NODAL: variants seen among roughly 807,000 people sequenced by gnomAD.
The protein encoded by NODAL is nodal growth differentiation factor, also known as nodal homolog.
A neutral mutation model predicts 34.0 loss-of-function variants in NODAL; 12 were observed. The observed-to-expected ratio is 0.35, with a 90% CI of 0.23 to 0.57. NODAL has a LOEUF of 0.57. Ranked by LOEUF, NODAL falls within the 20% of genes least tolerant of loss-of-function variation. NODAL has a pLI of 0.83. For synonymous variants in NODAL, 162 were observed against 186.4 expected (o/e 0.87, Z 1.07); for missense variants, 390 against 444.2 (o/e 0.88, Z 1.10).
chr10:70,439,282 G>A (rs555977770), intron 1 of NODAL, among the ~76,000 whole-genome samples: 1 of 152,264 alleles, frequency 6.6e-6, no homozygotes, highest in Admixed American at 6.5e-5. Flanking sequence ...GGTTACAGGC[G>A]TAAGCCACTG....
At chr10:70,445,122 G>C (rs567978432), upstream of NODAL, among the ~76,000 whole-genome samples, 1 of 152,232 alleles carries the variant, frequency 6.6e-6, no homozygotes, top group East Asian at 1.9e-4. Flanking sequence ...ATGTGGCCTA[G>C]TGTGTAGGTG....
At chr10:70,436,055 C>G in intron 1 of NODAL, 72 bp from the exon 2 acceptor site, 1 of 1,268,808 alleles carries the variant, frequency 7.9e-7, no homozygotes, top group South Asian at 1.2e-5. Flanking sequence ...GTGTCACAAC[C>G]ACCATAGCTC....
At chr10:70,436,275 G>T (rs1038670024) in intron 1 of NODAL, 3 of 459,374 alleles carry the variant, frequency 6.5e-6, no homozygotes, top group Non-Finnish European at 1.2e-5. Context: ...CCGAATTACT[G>T]TTCTTCCAGT....
intron 1 of NODAL, among the ~76,000 whole-genome samples, chr10:70,441,203 A>G (rs1399812327): frequency 6.6e-6 from 1 of 152,262 alleles, no homozygotes; most frequent in South Asian, 2.1e-4. Flanking sequence ...CAAAACCCAG[A>G]GACAATGGTC....
chr10:70,439,099 G>C (rs1267140468), intron 1 of NODAL, among the ~76,000 whole-genome samples: 1 of 152,028 alleles, frequency 6.6e-6, no homozygotes, highest in Non-Finnish European at 1.5e-5. Flanking sequence ...CCACCTCCTG[G>C]GTTCAAGTGA....
intron 1 of NODAL, among the ~76,000 whole-genome samples, chr10:70,438,309 CTT>C (rs1285950605): frequency 1.3e-5 from 2 of 151,984 alleles, no homozygotes; most frequent in Admixed American, 1.3e-4. Flanking sequence ...AAAAGAAAAA[CTT>C]TATCTCAACT....
At chr10:70,442,750 C>T (rs979472548), upstream of NODAL, among the ~76,000 whole-genome samples, 1 of 152,178 alleles carries the variant, frequency 6.6e-6, no homozygotes, top group African/African-American at 2.4e-5. Flanking sequence ...GTGCTCTATA[C>T]ACCTGACTTC....
upstream of NODAL, among the ~76,000 whole-genome samples, chr10:70,442,010 G>A (rs988064334): frequency 6.6e-6 from 1 of 152,162 alleles, no homozygotes; most frequent in Non-Finnish European, 1.5e-5. Flanking sequence ...TCAGAACTGC[G>A]ACTTCCTTAC....
chr10:70,445,498 T>C (rs1180565528), upstream of NODAL, among the ~76,000 whole-genome samples: 1 of 152,208 alleles, frequency 6.6e-6, no homozygotes, highest in Non-Finnish European at 1.5e-5. Flanking sequence ...GATCTTGTGA[T>C]CCACCCGCCT....
chr10:70,432,620 A>G lies in NODAL; in HGVS notation c.*316T>C. 1 of 406,256 alleles carries G rather than the reference A, an allele frequency of 2.5e-6. No individual in the cohort carries two copies. The highest frequency in any genetic ancestry group is 2.2e-5 in the South Asian group (1 of 45,744). The allele number at this position is 406,256 out of a possible 1,614,324, so 25.2% of individuals were successfully genotyped here. Reference sequence around the variant, plus strand: ...TCACATACAGTTTCGGGGGGTTCACAGGTTTTTAAAAAATCCAGTAAAGAA... The same window carrying G: ...TCACATACAGTTTCGGGGGGTTCACGGGTTTTTAAAAAATCCAGTAAAGAA... On this transcript the variant is annotated 3_prime_UTR_variant, in exon 3 of 3. Transcript: ENST00000287139.
At chr10:70,444,022 T>C (rs1197409663), upstream of NODAL, among the ~76,000 whole-genome samples, 1 of 148,330 alleles carries the variant, frequency 6.7e-6, no homozygotes, top group Non-Finnish European at 1.5e-5. Flanking sequence ...AACCTCTGCC[T>C]CCCCGGTTCA....
chr10:70,435,755 A>G lies in NODAL; in HGVS notation c.422T>C (p.Leu141Ser). Residue 141 changes from leucine to serine, a missense_variant, in exon 2 of 3, where the codon TTG becomes TCG. Physicochemically the swap from Leu to Ser is moderately radical, Grantham distance 145 (BLOSUM62 -2). Transcript: ENST00000287139. ...GCCCAAGGAAAAGGTGACCTGGGAC[A>G]AAGTGACAGTGAATAGGTCCATCTG... The part of the protein sequence containing the change: ...RFQMDLFTVT[L>S]SQVTFSLGSM... 1 of 1,614,214 alleles carries G rather than the reference A, an allele frequency of 6.2e-7. No individual in the cohort carries two copies.
At chr10:70,439,368 C>T (rs149693738) in intron 1 of NODAL, among the ~76,000 whole-genome samples, 84 of 152,292 alleles carry the variant, frequency 5.5e-4, no homozygotes, top group Non-Finnish European at 1.0e-3. Context: ...CCGACACCGC[C>T]GTCCCCAGAC....
At position 70,433,230 on chromosome 10, in the gene NODAL, A is replaced by G. The variant is rs144528328; in HGVS notation, c.892-142T>C. 4.1e-4 allele frequency: 371 copies of G among 903,748 alleles called. 1 individual carries two copies. In the African/African-American group the frequency reaches 5.3e-3, roughly 13 times the overall value. The allele number at this position is 903,748 out of a possible 1,614,324, so 56.0% of individuals were successfully genotyped here. ...AGCAGAAAATTATTTTCATAAAGGAATTAGCTTGCCAATATATCATGAACT... is the reference window on the plus strand; with the variant it reads ...AGCAGAAAATTATTTTCATAAAGGAGTTAGCTTGCCAATATATCATGAACT... On this transcript the variant is annotated intron_variant, in intron 2 of 2. Coordinates refer to ENST00000287139, the MANE Select transcript of NODAL (RefSeq NM_018055.5).
intron 1 of NODAL, among the ~76,000 whole-genome samples, chr10:70,440,326 G>A (rs1845411404): frequency 6.6e-6 from 1 of 152,070 alleles, no homozygotes; most frequent in South Asian, 2.1e-4. Flanking sequence ...CTTTTCGGTT[G>A]AGGGGCCGAG....
Position 70,433,589 on chromosome 10 carries a change from A to AT in NODAL, c.892-502dup, listed in dbSNP as rs1435605057. Among the ~76,000 whole-genome samples, 3 of 151,404 alleles carry AT rather than the reference A, an allele frequency of 2.0e-5. 1 individual carries two copies. Among genetic ancestry groups the AT allele is most frequent in the Non-Finnish European group, 4.4e-5 (3 of 67,878 alleles). ...GCCACCATGCCTGGCTAATTTTTGT[A>AT]TTTTTTGTAGAAATAGGGTTTCGGC... On this transcript the variant is annotated intron_variant, in intron 2 of 2. Coordinates refer to ENST00000287139, the MANE Select transcript of NODAL (RefSeq NM_018055.5).
chr10:70,436,100 C>T (rs1845350278), intron 1 of NODAL, 117 bp from the exon 2 acceptor site: 9 of 828,036 alleles, frequency 1.1e-5, no homozygotes, highest in Admixed American at 2.0e-5. Context: ...GAATTACCTT[C>T]GAATTCTCAC....
At chr10:70,446,931 ATTC>A (rs1017556592) in intron 1 of NODAL, among the ~76,000 whole-genome samples, 2 of 151,974 alleles carry the variant, frequency 1.3e-5, no homozygotes, top group Non-Finnish European at 2.9e-5. Context: ...CCTTTCACAT[ATTC>A]TTTCCTCCTG....
chr10:70,444,213 G>A (rs1303112775), upstream of NODAL, among the ~76,000 whole-genome samples: 10 of 151,586 alleles, frequency 6.6e-5, no homozygotes, highest in South Asian at 2.1e-4. Context: ...GATTACAGGC[G>A]TGAACCACTG....
Sources: gnomAD v4.1 joint callset for allele counts (sites outside exome capture counted in the v4.1 genomes callset) on GRCh38, gnomAD v4.1.1 for gene constraint, MANE v1.5 for transcripts, NCBI Gene and HGNC (gene_info 2026-07-23, HGNC 2026-07-21) for gene names.